OSGIN1: variants seen among roughly 807,000 people sequenced by gnomAD.
OSGIN1 encodes oxidative stress-induced growth inhibitor 1.
A neutral mutation model predicts 20.1 loss-of-function variants in OSGIN1; 19 were observed. That is an observed-to-expected ratio of 0.95 (90% CI 0.66 to 1.39). The LOEUF is 1.39. Ranked by LOEUF, OSGIN1 falls within the 40% of genes most tolerant of loss-of-function variation. The pLI, the probability that OSGIN1 is intolerant of heterozygous loss-of-function variation, is 0.00. For synonymous variants in OSGIN1, 368 were observed against 297.8 expected (o/e 1.24, Z -2.43); for missense variants, 820 against 653.0 (o/e 1.26, Z -2.79).
At chr16:83,957,449 G>T (rs988094042) in intron 1 of OSGIN1, among the ~76,000 whole-genome samples, 191 bp from the exon 2 acceptor site, 2 of 152,196 alleles carry the variant, frequency 1.3e-5, no homozygotes, top group Admixed American at 1.3e-4. Context: ...GGGGAGGGGT[G>T]GGGCAAACAG....
intron 1 of OSGIN1, among the ~76,000 whole-genome samples, chr16:83,956,121 A>G (rs1230087567): frequency 3.3e-5 from 5 of 152,160 alleles, no homozygotes; most frequent in Non-Finnish European, 7.3e-5. Context: ...CTCCTTGCAA[A>G]CTGTAGAGTG....
chr16:83,964,652 T>A (rs2084254982), intron 5 of OSGIN1, among the ~76,000 whole-genome samples: 1 of 152,196 alleles, frequency 6.6e-6, no homozygotes, highest in African/African-American at 2.4e-5. Flanking sequence ...CTAAGCACTT[T>A]GTGTTTGTCA....
chr16:83,957,848 T>G (rs193036616), intron 2 of OSGIN1, 110 bp downstream of exon 2: 4,988 of 420,764 alleles, frequency 0.012, 52 homozygotes, highest in South Asian at 0.047. Context: ...TTTTCGTTTT[T>G]GGGGTTTATT....
At chr16:83,961,472 G>A (rs1223630454) in intron 5 of OSGIN1, among the ~76,000 whole-genome samples, 1 of 152,140 alleles carries the variant, frequency 6.6e-6, no homozygotes, top group Non-Finnish European at 1.5e-5. Context: ...GCAGAGGGGT[G>A]ACTTGGAATG....
chr16:83,957,989 G>A (rs756155016), intron 2 of OSGIN1, among the ~76,000 whole-genome samples: 2 of 152,136 alleles, frequency 1.3e-5, no homozygotes, highest in Non-Finnish European at 2.9e-5. Context: ...CGATTCTCCT[G>A]CTTCAGCCTA....
At position 83,957,730 on chromosome 16, in the gene OSGIN1, T is replaced by G. The variant is rs1406534267; in HGVS notation, c.59T>G (p.Ile20Ser). Residue 20 changes from isoleucine to serine, a missense_variant, in exon 2 of 6, where the codon ATC becomes AGC. By Grantham distance (142) the Ile-to-Ser change is moderately radical. Coordinates refer to ENST00000393306, the MANE Select transcript of OSGIN1 (RefSeq NM_182981.3). The part of the protein sequence containing the change: ...GASSSEPLPV[I>S]IVGNGPSGIC... Reference sequence around the variant, plus strand: ...AGCAGCTCAGAGCCCCTCCCGGTCATCATTGTGGGTGAGTGTCAGGCCCCA... The same window carrying G: ...AGCAGCTCAGAGCCCCTCCCGGTCAGCATTGTGGGTGAGTGTCAGGCCCCA... The G allele has an allele frequency of 6.3e-7, 1 of 1,589,270 alleles. No individual in the cohort carries two copies. Among genetic ancestry groups the G allele is most frequent in the Non-Finnish European group, 8.6e-7 (1 of 1,165,984 alleles).
chr16:83,963,568 T>G (rs1039956798), intron 5 of OSGIN1, among the ~76,000 whole-genome samples: 1 of 152,138 alleles, frequency 6.6e-6, no homozygotes, highest in Admixed American at 6.6e-5. Flanking sequence ...CAGAACATGC[T>G]CTTGGGACCG....
chr16:83,959,508 C>G, intron 3 of OSGIN1, 112 bp downstream of exon 3: 1 of 1,109,542 alleles, frequency 9.0e-7, no homozygotes, highest in Non-Finnish European at 1.3e-6. Flanking sequence ...CAAGACTAAA[C>G]AAAGAATTCG....
rs7203864 is a variant in OSGIN1 at position 83,953,283 on chromosome 16, G to A, written c.-120G>A. ...ACAGGGTAATGGGTGTCCCGATCTCGCGGGGGACTCTGTGATCCGTGTTCC... is the reference window on the plus strand; with the variant it reads ...ACAGGGTAATGGGTGTCCCGATCTCACGGGGGACTCTGTGATCCGTGTTCC... On this transcript the variant is annotated 5_prime_UTR_variant, in exon 1 of 6. Coordinates refer to ENST00000393306, the MANE Select transcript of OSGIN1 (RefSeq NM_182981.3). 825,169 of 1,287,142 alleles carry A rather than the reference G, an allele frequency of 0.64. 266,907 individuals carry two copies. The highest frequency in any genetic ancestry group is 0.79 in the East Asian group (14,155 of 17,952). The allele number at this position is 1,287,142 out of a possible 1,614,324, so 79.7% of individuals were successfully genotyped here. A position where few individuals can be genotyped will look rare whatever the true frequency, so the allele number is the denominator to read the frequency against.
chr16:83,963,474 A>G (rs2084239713), intron 5 of OSGIN1, among the ~76,000 whole-genome samples: 2 of 151,966 alleles, frequency 1.3e-5, no homozygotes, highest in South Asian at 4.2e-4. Context: ...CCCCTGCCTC[A>G]TGGCACTGCC....
rs1567658984 is a variant in OSGIN1 at position 83,965,666 on chromosome 16, C to T, written c.1093C>T (p.Gln365Ter). 1 of 1,613,528 alleles carries T rather than the reference C, an allele frequency of 6.2e-7. No homozygotes were observed. The highest frequency in any genetic ancestry group is 8.5e-7 in the Non-Finnish European group (1 of 1,180,040). The change falls in exon 6 of 6, where the codon CAG (glutamine) becomes TAG (stop). Residue 365 changes from glutamine (Q) to a stop codon, truncating the protein, a stop_gained. Coordinates refer to ENST00000393306, the MANE Select transcript of OSGIN1 (RefSeq NM_182981.3). LOFTEE classifies it low-confidence loss of function (END_TRUNC). ...YEGYRSLPRHQLLCFKEDCQA... is the reference protein window; with the variant it reads ...YEGYRSLPRH ...GGGTTACCGCAGCCTCCCCAGGCAC[C>T]AGCTGCTGTGCTTCAAGGAAGACTG...
In OSGIN1 at chr16:83,965,186, A is replaced by G. The variant is rs1567658565; in HGVS notation, c.613A>G (p.Thr205Ala). 6.2e-7 allele frequency: 1 copy of G among 1,612,502 alleles called. No individual in the cohort carries two copies. The highest frequency in any genetic ancestry group is 1.7e-5 in the Admixed American group (1 of 59,980). The stretch of plus-strand genomic sequence containing the variant: ...TGTAGTCACAGCCGTGGAGTGGGGG[A>G]CCCCCGATCCCAGCAGCTGTGGGGC... Reference protein sequence around the residue: ...GAVVTAVEWGTPDPSSCGAQD... With the variant: ...GAVVTAVEWGAPDPSSCGAQD... Residue 205 changes from threonine (T) to alanine (A), a missense_variant, in exon 6 of 6, where the codon ACC becomes GCC. Transcript: ENST00000393306.
Position 83,966,091 on chromosome 16 carries a change from T to G in OSGIN1, c.*84T>G, listed in dbSNP as rs2084277360. 1 of 1,160,936 alleles carries G rather than the reference T, an allele frequency of 8.6e-7. No homozygotes were observed. The highest frequency in any genetic ancestry group is 1.6e-5 in the African/African-American group (1 of 64,416). 71.9% of individuals were successfully genotyped at this position (1,160,936 alleles called of 1,614,324 possible). Reference sequence around the variant, plus strand: ...GCTGGATGCAGGACCCGTCCAAAGATGCCCCGGGGAGGGGTGTCAGCCCAC... The same window carrying G: ...GCTGGATGCAGGACCCGTCCAAAGAGGCCCCGGGGAGGGGTGTCAGCCCAC... On this transcript the variant is annotated 3_prime_UTR_variant, in exon 6 of 6. Coordinates refer to ENST00000393306, the MANE Select transcript of OSGIN1 (RefSeq NM_182981.3).
intron 3 of OSGIN1, 103 bp from the exon 4 acceptor site, chr16:83,960,466 G>T (rs1351266762): frequency 4.5e-6 from 4 of 883,086 alleles, no homozygotes; most frequent in Non-Finnish European, 7.1e-6. Flanking sequence ...CAGTGCCAGG[G>T]AAATGGCCCG....
chr16:83,955,764 C>G (rs1209083351), intron 1 of OSGIN1, among the ~76,000 whole-genome samples: 2 of 152,152 alleles, frequency 1.3e-5, no homozygotes, highest in East Asian at 1.9e-4. Flanking sequence ...GGCAGGCAGC[C>G]TGGGGTCTTG....
intron 3 of OSGIN1, among the ~76,000 whole-genome samples, chr16:83,959,880 A>C (rs1216382985): frequency 6.6e-6 from 1 of 151,672 alleles, no homozygotes; most frequent in Non-Finnish European, 1.5e-5. Context: ...AGTGCGGCCA[A>C]GGTTGAGAAA....
In OSGIN1 at chr16:83,965,486, C is replaced by T. The variant is rs377653946; in HGVS notation, c.913C>T (p.Arg305Cys). 254 of 1,610,284 alleles carry T rather than the reference C, an allele frequency of 1.6e-4. No homozygotes were observed. The highest frequency in any genetic ancestry group is 4.3e-4 in the Admixed American group (26 of 59,996). ...AGCGGCCGACGCGGTCCTCTACGCC[C>T]GCCACTACAACATCCCGGTGATCCA... ...LSAADAVLYA[R>C]HYNIPVIHAF... Residue 305 changes from arginine to cysteine, a missense_variant, in exon 6 of 6, where the codon CGC becomes TGC. Transcript: ENST00000393306.
At chr16:83,957,614 C>G (rs765417592) in intron 1 of OSGIN1, 26 bp from the exon 2 acceptor site, 1 of 1,208,678 alleles carries the variant, frequency 8.3e-7, no homozygotes, top group African/African-American at 1.5e-5. Flanking sequence ...CGAATGGACT[C>G]TTCCTTCCCC....
intron 5 of OSGIN1, among the ~76,000 whole-genome samples, chr16:83,964,762 G>A (rs1443531423): frequency 2.0e-5 from 3 of 152,302 alleles, no homozygotes; most frequent in African/African-American, 7.2e-5. Context: ...CCTGATGGCA[G>A]AGTCAGGATT....
Sources: gnomAD v4.1 joint callset for allele counts (sites outside exome capture counted in the v4.1 genomes callset) on GRCh38, gnomAD v4.1.1 for gene constraint, MANE v1.5 for transcripts, NCBI Gene and HGNC (gene_info 2026-07-23, HGNC 2026-07-21) for gene names.